Variants in TAFA1 observed in about 807,000 individuals in gnomAD.
TAFA1 encodes the protein TAFA chemokine like family member 1, also known as chemokine-like protein TAFA-1.
TAFA1 carries 4 observed loss-of-function variants against 18.5 expected under a neutral mutation model. That is an observed-to-expected ratio of 0.22 (90% CI 0.11 to 0.49). The LOEUF (loss-of-function observed/expected upper bound fraction) is 0.49, where lower values mean the gene tolerates loss of function less well. TAFA1 is among the 20% of genes least tolerant of loss of function. The pLI is 0.98. For missense variants in TAFA1, 147 were observed against 169.0 expected (o/e 0.87, Z 0.72); for synonymous variants, 56 against 55.2 (o/e 1.01, Z -0.06).
At chr3:68,376,840 AG>A (rs2069828848) in intron 2 of TAFA1, among the ~76,000 whole-genome samples, 1 of 152,128 alleles carries the variant, frequency 6.6e-6, no homozygotes, top group South Asian at 2.1e-4. Flanking sequence ...ATGTTGAGGG[AG>A]GGAGGTGATT....
At chr3:68,271,874 A>G (rs2067682977) in intron 2 of TAFA1, among the ~76,000 whole-genome samples, 1 of 151,790 alleles carries the variant, frequency 6.6e-6, no homozygotes, top group African/African-American at 2.4e-5. Flanking sequence ...AAATATATAC[A>G]ATGAGTTTAT....
At chr3:68,336,583 A>G (rs1226051448) in intron 2 of TAFA1, among the ~76,000 whole-genome samples, 1 of 152,272 alleles carries the variant, frequency 6.6e-6, no homozygotes, top group Admixed American at 6.5e-5. Context: ...TATAATCTTC[A>G]AACTATCTGC....
chr3:68,263,405 A>G (rs1401615619), intron 2 of TAFA1, among the ~76,000 whole-genome samples: 1 of 151,120 alleles, frequency 6.6e-6, no homozygotes, highest in East Asian at 1.9e-4. Context: ...ATTTGACTAT[A>G]ATCCCTCTTA....
chr3:68,303,301 T>C (rs1270333900), intron 2 of TAFA1, among the ~76,000 whole-genome samples: 1 of 152,188 alleles, frequency 6.6e-6, no homozygotes, highest in Non-Finnish European at 1.5e-5. Context: ...TTCCAAATGA[T>C]GGGATAGTGA....
chr3:68,117,803 C>G (rs916255834), intron 2 of TAFA1, among the ~76,000 whole-genome samples: 1 of 152,010 alleles, frequency 6.6e-6, no homozygotes, highest in Non-Finnish European at 1.5e-5. Context: ...TTAAAATTAC[C>G]TTTGATCTTT....
intron 2 of TAFA1, among the ~76,000 whole-genome samples, chr3:68,295,916 G>A (rs927851733): frequency 1.3e-5 from 2 of 152,028 alleles, no homozygotes; most frequent in East Asian, 3.9e-4. Context: ...GCTGAGACCA[G>A]CTATGTTTCA....
intron 2 of TAFA1, among the ~76,000 whole-genome samples, chr3:68,234,397 G>A (rs1396240525): frequency 3.9e-5 from 6 of 152,082 alleles, no homozygotes; most frequent in Admixed American, 2.6e-4. Flanking sequence ...CTTGAGGAGC[G>A]GGGAGCAACA....
intron 4 of TAFA1, among the ~76,000 whole-genome samples, chr3:68,542,141 G>A (rs568381363): frequency 6.6e-6 from 1 of 152,268 alleles, no homozygotes; most frequent in African/African-American, 2.4e-5. Flanking sequence ...AACTTTTTAA[G>A]AGAGGAAGAC....
At chr3:68,459,415 TAGAG>T (rs2071731608) in intron 3 of TAFA1, among the ~76,000 whole-genome samples, 2 of 152,182 alleles carry the variant, frequency 1.3e-5, no homozygotes, top group African/African-American at 2.4e-5. Flanking sequence ...AGCTATATCT[TAGAG>T]AGAAATAAAT....
chr3:68,341,805 A>G (rs563789572), intron 2 of TAFA1, among the ~76,000 whole-genome samples: 2 of 152,280 alleles, frequency 1.3e-5, no homozygotes, highest in South Asian at 4.1e-4. Context: ...GGAGTCACCG[A>G]AGTAAAGGTT....
At chr3:68,455,559 A>G (rs562473719) in intron 3 of TAFA1, among the ~76,000 whole-genome samples, 1 of 152,182 alleles carries the variant, frequency 6.6e-6, no homozygotes, top group African/African-American at 2.4e-5. Context: ...CGATGCATTC[A>G]TCTCCATCAA....
chr3:68,502,143 C>T (rs761227932), intron 3 of TAFA1, among the ~76,000 whole-genome samples: 1 of 152,070 alleles, frequency 6.6e-6, no homozygotes, highest in Non-Finnish European at 1.5e-5. Context: ...ACTATTTTTG[C>T]TCTCTTATAT....
intron 2 of TAFA1, among the ~76,000 whole-genome samples, chr3:68,335,425 C>G (rs1473286960): frequency 6.6e-6 from 1 of 151,572 alleles, no homozygotes; most frequent in Non-Finnish European, 1.5e-5. Context: ...GTTATCCATA[C>G]AGAGATCAAC....
At chr3:68,225,915 T>C (rs2066794483) in intron 2 of TAFA1, among the ~76,000 whole-genome samples, 1 of 152,152 alleles carries the variant, frequency 6.6e-6, no homozygotes, top group Non-Finnish European at 1.5e-5. Flanking sequence ...TGAAAACACT[T>C]TGAAAACCAT....
intron 3 of TAFA1, among the ~76,000 whole-genome samples, chr3:68,451,735 C>T (rs1320960956): frequency 1.3e-5 from 2 of 152,196 alleles, no homozygotes; most frequent in African/African-American, 4.8e-5. Context: ...ATGAGACTCT[C>T]TCCACATCAT....
At chr3:68,315,695 ACTAGTAGCTTAT>A (rs1392129358) in intron 2 of TAFA1, among the ~76,000 whole-genome samples, 1 of 152,222 alleles carries the variant, frequency 6.6e-6, no homozygotes, top group Non-Finnish European at 1.5e-5. Context: ...AATTGTGTTT[ACTAGTAGCTTAT>A]GCTCCAGAGA....
At chr3:68,078,370 G>A (rs1415664135) in intron 2 of TAFA1, among the ~76,000 whole-genome samples, 2 of 151,954 alleles carry the variant, frequency 1.3e-5, no homozygotes, top group African/African-American at 4.8e-5. Flanking sequence ...GGTGAGAGAG[G>A]TCATCCCTGT....
At chr3:68,096,676 G>A (rs141950451) in intron 2 of TAFA1, among the ~76,000 whole-genome samples, 63 of 152,174 alleles carry the variant, frequency 4.1e-4, no homozygotes, top group African/African-American at 1.4e-3. Flanking sequence ...AACAAAGCCT[G>A]TACTCTTAAA....
intron 2 of TAFA1, among the ~76,000 whole-genome samples, chr3:68,196,321 T>A (rs2107026484): frequency 6.6e-6 from 1 of 151,890 alleles, no homozygotes; most frequent in African/African-American, 2.4e-5. Flanking sequence ...TGGAAGCATT[T>A]TCTAACGGTC....
Sources: gnomAD v4.1 joint callset for allele counts (sites outside exome capture counted in the v4.1 genomes callset) on GRCh38, gnomAD v4.1.1 for gene constraint, MANE v1.5 for transcripts, NCBI Gene and HGNC (gene_info 2026-07-23, HGNC 2026-07-21) for gene names.